TSPAN18: variants seen among roughly 807,000 people sequenced by gnomAD.
TSPAN18 encodes tetraspanin-18.
In TSPAN18, 14 loss-of-function variants were observed where a neutral mutation model predicts 27.3. The observed-to-expected ratio is 0.51, with a 90% CI of 0.34 to 0.80. The LOEUF (loss-of-function observed/expected upper bound fraction) is 0.80, where lower values mean the gene tolerates loss of function less well. Ranked by LOEUF, TSPAN18 falls within the 30% of genes least tolerant of loss-of-function variation. The pLI is 0.01. For missense variants in TSPAN18, 268 were observed against 323.9 expected (o/e 0.83, Z 1.32); for synonymous variants, 143 against 136.5 (o/e 1.05, Z -0.33).
At chr11:44,810,764 C>T (rs1245698431) in intron 2 of TSPAN18, among the ~76,000 whole-genome samples, 1 of 151,658 alleles carries the variant, frequency 6.6e-6, no homozygotes, top group Non-Finnish European at 1.5e-5. Flanking sequence ...TGCCACCACA[C>T]CCAGCTAATT....
rs533024546 is a variant in TSPAN18, at chr11:44,817,547, A to G, written c.-152-42781A>G. On this transcript the variant is annotated intron_variant, in intron 2 of 9. Transcript: ENST00000520358. ...GGCTGAAGGGGCAGTGGCTACTGAGATTTTCTTCTCACAGCAATTGACCAG... is the reference window on the plus strand; with the variant it reads ...GGCTGAAGGGGCAGTGGCTACTGAGGTTTTCTTCTCACAGCAATTGACCAG... Among the ~76,000 whole-genome samples, 120 of 152,154 alleles carry G rather than the reference A, an allele frequency of 7.9e-4. 2 individuals carry two copies. The highest frequency in any genetic ancestry group is 5.9e-5 in the Non-Finnish European group (4 of 68,010).
intron 1 of TSPAN18, among the ~76,000 whole-genome samples, chr11:44,746,052 A>C (rs1316294061): frequency 6.6e-6 from 1 of 152,182 alleles, no homozygotes; most frequent in East Asian, 1.9e-4. Context: ...AAAACAGCAA[A>C]GCTGATTCTA....
At chr11:44,848,776 C>T (rs889616641) in intron 2 of TSPAN18, among the ~76,000 whole-genome samples, 1 of 152,230 alleles carries the variant, frequency 6.6e-6, no homozygotes, top group African/African-American at 2.4e-5. Flanking sequence ...CCACATGGCC[C>T]ATGAGTGGCA....
At chr11:44,926,645 T>C (rs1860367274) in intron 8 of TSPAN18, 29 bp from the exon 9 acceptor site, 4 of 1,607,852 alleles carry the variant, frequency 2.5e-6, no homozygotes, top group Non-Finnish European at 3.4e-6. Flanking sequence ...ACCCTGGCCA[T>C]AGCTTGACCT....
At chr11:44,765,299 G>T (rs543906376) in intron 2 of TSPAN18, among the ~76,000 whole-genome samples, 2 of 152,192 alleles carry the variant, frequency 1.3e-5, no homozygotes, top group African/African-American at 2.4e-5. Flanking sequence ...GAAGTGACAG[G>T]TCAGGGGTTG....
intron 2 of TSPAN18, among the ~76,000 whole-genome samples, chr11:44,768,600 C>G (rs886474730): frequency 5.3e-5 from 8 of 151,744 alleles, no homozygotes; most frequent in Non-Finnish European, 1.0e-4. Flanking sequence ...CTTTTCTTGT[C>G]TTATTGCAGT....
At position 44,927,221 on chromosome 11, in the gene TSPAN18, A is replaced by G. The variant is rs538297592; in HGVS notation, c.699+464A>G. Among the ~76,000 whole-genome samples, 34 of 152,340 alleles carry G rather than the reference A, an allele frequency of 2.2e-4. No individual in the cohort carries two copies. In the South Asian group the frequency reaches 3.1e-3, roughly 14 times the overall value. On this transcript the variant is annotated intron_variant, in intron 9 of 9. Coordinates refer to ENST00000520358, the MANE Select transcript of TSPAN18 (RefSeq NM_130783.5). The stretch of plus-strand genomic sequence containing the variant: ...TTAGCCTCCTTTATCTGAGGGCCCC[A>G]GAGTCCCCTTGAAAGGTAAGCTCCT...
At chr11:44,739,350 G>T (rs1043306610) in intron 1 of TSPAN18, among the ~76,000 whole-genome samples, 1 of 152,156 alleles carries the variant, frequency 6.6e-6, no homozygotes, top group Non-Finnish European at 1.5e-5. Context: ...GGCTGGGTGC[G>T]GTGGCTCATG....
rs532310341 is a variant in TSPAN18 at position 44,805,010 on chromosome 11, G to A, written c.-153+40498G>A. On this transcript the variant is annotated intron_variant, in intron 2 of 9. Transcript: ENST00000520358. ...AGAAATAATAGATCTTCTCCTGGTC[G>A]GCTGTTAGCAGGGCAGCTGTGGCCG... Among the ~76,000 whole-genome samples, 4 of 152,330 alleles carry A rather than the reference G, an allele frequency of 2.6e-5. No homozygotes were observed. In the East Asian group the frequency reaches 7.7e-4, roughly 29 times the overall value.
intron 1 of TSPAN18, among the ~76,000 whole-genome samples, chr11:44,729,737 C>T (rs1031175504): frequency 6.6e-6 from 1 of 152,116 alleles, no homozygotes. Context: ...GTTTAGGACA[C>T]CTTGGGCTGA....
chr11:44,732,000 G>T (rs1195276424), intron 1 of TSPAN18, among the ~76,000 whole-genome samples: 1 of 152,178 alleles, frequency 6.6e-6, no homozygotes, highest in African/African-American at 2.4e-5. Context: ...AGACACTTTC[G>T]ACTTTAAGAT....
intron 3 of TSPAN18, among the ~76,000 whole-genome samples, chr11:44,878,183 G>A (rs1309695847): frequency 6.6e-6 from 1 of 152,038 alleles, no homozygotes; most frequent in Non-Finnish European, 1.5e-5. Context: ...TCCTTCCCAG[G>A]CCTCCCCAGA....
intron 2 of TSPAN18, among the ~76,000 whole-genome samples, chr11:44,776,580 G>C (rs1229886534): frequency 6.6e-6 from 1 of 152,202 alleles, no homozygotes; most frequent in African/African-American, 2.4e-5. Context: ...CCTGTGTCCA[G>C]CTTCTTTCTG....
chr11:44,812,196 G>T (rs923438749), intron 2 of TSPAN18, among the ~76,000 whole-genome samples: 1 of 152,118 alleles, frequency 6.6e-6, no homozygotes, highest in Middle Eastern at 3.2e-3. Context: ...GCAGGCCTGG[G>T]TTCCAAACCC....
At chr11:44,928,382 G>C (rs924583699) in intron 9 of TSPAN18, among the ~76,000 whole-genome samples, 4 of 152,316 alleles carry the variant, frequency 2.6e-5, no homozygotes, top group African/African-American at 9.6e-5. Context: ...GAGCCTGCAG[G>C]GGTTGTAAGC....
intron 2 of TSPAN18, among the ~76,000 whole-genome samples, chr11:44,803,921 C>T (rs1391945085): frequency 2.0e-5 from 3 of 152,150 alleles, no homozygotes; most frequent in Non-Finnish European, 4.4e-5. Context: ...AACCCCATTC[C>T]AGCAGTATTC....
intron 1 of TSPAN18, among the ~76,000 whole-genome samples, chr11:44,737,281 G>A (rs888574602): frequency 3.3e-5 from 5 of 152,216 alleles, no homozygotes; most frequent in African/African-American, 1.2e-4. Context: ...GGACAAGCTG[G>A]GTTGGAGGAT....
intron 2 of TSPAN18, among the ~76,000 whole-genome samples, chr11:44,781,667 C>T (rs935221490): frequency 9.8e-5 from 15 of 152,316 alleles, no homozygotes; most frequent in Admixed American, 5.9e-4. Flanking sequence ...TTCATACACA[C>T]TTACCCAGCA....
chr11:44,912,405 C>T (rs1187139838), intron 5 of TSPAN18, among the ~76,000 whole-genome samples: 1 of 151,724 alleles, frequency 6.6e-6, no homozygotes, highest in African/African-American at 2.4e-5. Context: ...CCCTGTCTCT[C>T]TCTCCACTTC....
Sources: gnomAD v4.1 joint callset for allele counts (sites outside exome capture counted in the v4.1 genomes callset) on GRCh38, gnomAD v4.1.1 for gene constraint, MANE v1.5 for transcripts, NCBI Gene and HGNC (gene_info 2026-07-23, HGNC 2026-07-21) for gene names.